POC1B: variants seen among roughly 807,000 people sequenced by gnomAD.
The protein encoded by POC1B is POC1 centriolar protein B.
A neutral mutation model predicts 60.6 loss-of-function variants in POC1B; 44 were observed. That is an observed-to-expected ratio of 0.73 (90% CI 0.57 to 0.93). The LOEUF (loss-of-function observed/expected upper bound fraction) is 0.93. Ranked by LOEUF, POC1B falls within the 40% of genes least tolerant of loss-of-function variation. POC1B has a pLI of 0.00. For missense variants in POC1B, 555 were observed against 572.3 expected (o/e 0.97, Z 0.31); for synonymous variants, 180 against 198.9 (o/e 0.90, Z 0.80).
chr12:89,483,360 A>G (rs1000369298), intron 4 of POC1B, among the ~76,000 whole-genome samples: 2 of 152,172 alleles, frequency 1.3e-5, no homozygotes, highest in African/African-American at 4.8e-5. Flanking sequence ...GCTCTGCGGA[A>G]CTGTGAGTCA....
chr12:89,496,790 G>A (rs965247658), intron 3 of POC1B, among the ~76,000 whole-genome samples: 4 of 152,048 alleles, frequency 2.6e-5, no homozygotes, highest in Non-Finnish European at 5.9e-5. Flanking sequence ...AGGGATCCAA[G>A]GGCCCTTGAA....
At chr12:89,467,197 C>T (rs900237646) in intron 8 of POC1B, among the ~76,000 whole-genome samples, 1 of 151,878 alleles carries the variant, frequency 6.6e-6, no homozygotes. Context: ...AGCCCAAAAC[C>T]ATGTTTTGGA....
At chr12:89,495,066 C>T (rs1019126925) in intron 3 of POC1B, among the ~76,000 whole-genome samples, 2 of 152,186 alleles carry the variant, frequency 1.3e-5, no homozygotes, top group Non-Finnish European at 2.9e-5. Context: ...CCCGTTGCCA[C>T]GATCCACCAT....
At chr12:89,489,922 G>C (rs1209958843) in intron 4 of POC1B, among the ~76,000 whole-genome samples, 1 of 152,174 alleles carries the variant, frequency 6.6e-6, no homozygotes, top group Admixed American at 6.5e-5. Flanking sequence ...GCAAGGGATG[G>C]GCACAGGCTC....
intron 4 of POC1B, among the ~76,000 whole-genome samples, chr12:89,486,756 T>C (rs1306940817): frequency 2.0e-5 from 3 of 152,158 alleles, no homozygotes; most frequent in Admixed American, 2.0e-4. Context: ...AGGATGGAGC[T>C]AAAATGAATG....
At chr12:89,507,680 C>A (rs1415903919) in intron 2 of POC1B, among the ~76,000 whole-genome samples, 2 of 152,194 alleles carry the variant, frequency 1.3e-5, no homozygotes, top group Non-Finnish European at 2.9e-5. Context: ...CCCATGCTTA[C>A]CTAGGTCAGT....
chr12:89,501,516 T>A (rs774183616), intron 2 of POC1B: 27 of 1,015,052 alleles, frequency 2.7e-5, no homozygotes, highest in Non-Finnish European at 4.0e-5. Flanking sequence ...TGGGAAATGA[T>A]TGTGCTTCCA....
At chr12:89,457,267 GGGA>G (rs1190814685) in intron 10 of POC1B, among the ~76,000 whole-genome samples, 1 of 152,148 alleles carries the variant, frequency 6.6e-6, no homozygotes, top group African/African-American at 2.4e-5. Context: ...TGTCAGTGTA[GGGA>G]GGAGACTATA....
intron 10 of POC1B, chr12:89,425,755 G>C (rs572300375): frequency 7.8e-4 from 121 of 155,392 alleles, no homozygotes; most frequent in Non-Finnish European, 1.4e-3. Flanking sequence ...AAGTGTTGGT[G>C]AGAATGTGGA....
intron 2 of POC1B, chr12:89,521,185 G>C (rs1198183507): frequency 2.0e-5 from 3 of 150,226 alleles, no homozygotes; most frequent in African/African-American, 7.4e-5. Context: ...CTCACTGTAA[G>C]CTCTGCCTCA....
intron 9 of POC1B, chr12:89,460,662 T>C (rs2120808758): frequency 6.6e-6 from 1 of 152,334 alleles, no homozygotes; most frequent in South Asian, 2.1e-4. Context: ...TATGAATGCA[T>C]GAATTCAGAA....
At chr12:89,477,956 A>G (rs1883181638) in intron 4 of POC1B, among the ~76,000 whole-genome samples, 1 of 152,034 alleles carries the variant, frequency 6.6e-6, no homozygotes, top group Non-Finnish European at 1.5e-5. Flanking sequence ...AATCTATAAA[A>G]AGGATTTTAC....
At chr12:89,459,360 T>C (rs894200199) in intron 10 of POC1B, among the ~76,000 whole-genome samples, 1 of 145,392 alleles carries the variant, frequency 6.9e-6, no homozygotes, top group East Asian at 2.0e-4. Context: ...TGTATACATA[T>C]GTAACTAACC....
At chr12:89,504,977 A>G (rs1869826458) in intron 2 of POC1B, among the ~76,000 whole-genome samples, 1 of 152,198 alleles carries the variant, frequency 6.6e-6, no homozygotes. Flanking sequence ...GCTACAAATC[A>G]ATAAGAAAAA....
At chr12:89,466,468 T>C (rs1047533142) in intron 9 of POC1B, among the ~76,000 whole-genome samples, 1 of 152,330 alleles carries the variant, frequency 6.6e-6, no homozygotes, top group Non-Finnish European at 1.5e-5. Flanking sequence ...AGCCATCACA[T>C]GACCTCCCTA....
At chr12:89,449,062 T>C (rs558935202) in intron 10 of POC1B, among the ~76,000 whole-genome samples, 43 of 152,324 alleles carry the variant, frequency 2.8e-4, no homozygotes, top group Non-Finnish European at 4.6e-4. Context: ...TTAAGTTAAA[T>C]CATACTGACC....
chr12:89,430,089 C>T (rs1317643333), intron 10 of POC1B, among the ~76,000 whole-genome samples: 2 of 152,150 alleles, frequency 1.3e-5, no homozygotes, highest in Non-Finnish European at 2.9e-5. Context: ...CCATGGTTGC[C>T]ATCTTGAAGA....
chr12:89,412,807 GTTCCTTCCTTCCTTCC>G, the POC1B span, among the ~76,000 whole-genome samples: 6 of 127,486 alleles, frequency 4.7e-5, no homozygotes, highest in Non-Finnish European at 8.0e-5. Flanking sequence ...AGAAACACAT[GTTCCTTCCTTCCTTCC>G]TTCCTTCCTT....
At position 89,444,409 on chromosome 12, in the gene POC1B, G is replaced by A. The variant is rs188614791; in HGVS notation, c.1113+15229C>T. Among the ~76,000 whole-genome samples, 75 of 152,272 alleles carry A rather than the reference G, an allele frequency of 4.9e-4. 1 individual carries two copies. In the East Asian group the frequency reaches 9.1e-3, roughly 18 times the overall value. On this transcript the variant is annotated intron_variant, in intron 10 of 11. Coordinates refer to ENST00000313546, the MANE Select transcript of POC1B (RefSeq NM_172240.3). ...ACACATCAAAAAGCTTATCCACCAC[G>A]ATCAAGTTGGCTTCATCCCTCAGAT...
Sources: allele counts gnomAD v4.1 joint callset (sites outside exome capture counted in the v4.1 genomes callset), GRCh38; gene constraint gnomAD v4.1.1; transcripts MANE v1.5; gene names NCBI Gene and HGNC (gene_info 2026-07-23, HGNC 2026-07-21).